TSHZ2: variants seen among roughly 807,000 people sequenced by gnomAD.
TSHZ2 encodes teashirt zinc finger homeobox 2.
A neutral mutation model predicts 74.4 loss-of-function variants in TSHZ2; 21 were observed. The observed-to-expected ratio is 0.28, with a 90% confidence interval of 0.20 to 0.41. TSHZ2 has a LOEUF of 0.41. TSHZ2 is among the 10% of genes least tolerant of loss of function. TSHZ2 has a pLI of 1.00. For missense variants in TSHZ2, 1,244 were observed against 1,293.5 expected, an observed-to-expected ratio of 0.96 and a Z score of 0.59; for synonymous variants, 540 against 515.3, an observed-to-expected ratio of 1.05 and a Z score of -0.65.
At chr20:53,331,133 G>A (rs147905777) in intron 2 of TSHZ2, among the ~76,000 whole-genome samples, 7 of 152,354 alleles carry the variant, frequency 4.6e-5, no homozygotes, top group East Asian at 1.9e-4. Context: ...CTGGGCTAAT[G>A]AGCCTCGGTT....
chr20:53,340,417 C>A (rs6097368), intron 2 of TSHZ2, among the ~76,000 whole-genome samples: 1 of 152,004 alleles, frequency 6.6e-6, no homozygotes, highest in Non-Finnish European at 1.5e-5. Flanking sequence ...AACTCCTGAC[C>A]TCGTGATCCG....
At chr20:53,403,140 G>A (rs186745189) in intron 2 of TSHZ2, among the ~76,000 whole-genome samples, 114 of 152,254 alleles carry the variant, frequency 7.5e-4, no homozygotes, top group Middle Eastern at 3.4e-3. Flanking sequence ...TCCTAGTTAT[G>A]AGAACATGTA....
chr20:53,250,772 G>C (rs1990307953), intron 1 of TSHZ2, among the ~76,000 whole-genome samples: 1 of 150,836 alleles, frequency 6.6e-6, no homozygotes, highest in African/African-American at 2.4e-5. Flanking sequence ...AATCCATTTA[G>C]AAGGACAAAG....
chr20:53,073,647 G>T (rs1384640299), intron 1 of TSHZ2, among the ~76,000 whole-genome samples: 1 of 152,068 alleles, frequency 6.6e-6, no homozygotes, highest in Non-Finnish European at 1.5e-5. Flanking sequence ...TTTTTAAAAG[G>T]AAGGGGATGA....
intron 2 of TSHZ2, among the ~76,000 whole-genome samples, chr20:53,450,551 C>T (rs1568923382): frequency 6.6e-6 from 1 of 152,214 alleles, no homozygotes; most frequent in Non-Finnish European, 1.5e-5. Context: ...GGGCCTTGCT[C>T]TGTCACCCAA....
At chr20:53,056,904 C>T (rs1984657698) in intron 1 of TSHZ2, among the ~76,000 whole-genome samples, 2 of 152,166 alleles carry the variant, frequency 1.3e-5, no homozygotes, top group Admixed American at 6.6e-5. Context: ...TTTGTTCTCT[C>T]AATGATATGG....
At chr20:53,135,442 G>C (rs1214869132) in intron 1 of TSHZ2, among the ~76,000 whole-genome samples, 1 of 152,140 alleles carries the variant, frequency 6.6e-6, no homozygotes. Context: ...TAAGGCCTTT[G>C]TGATCTGTAC....
chr20:53,415,300 T>C (rs1187426374), intron 2 of TSHZ2, among the ~76,000 whole-genome samples: 1 of 152,182 alleles, frequency 6.6e-6, no homozygotes, highest in Non-Finnish European at 1.5e-5. Context: ...TCTTAAGAAA[T>C]GCCAGTGGGA....
intron 2 of TSHZ2, among the ~76,000 whole-genome samples, chr20:53,283,383 T>C (rs944028619): frequency 2.6e-5 from 4 of 152,188 alleles, no homozygotes; most frequent in South Asian, 4.1e-4. Flanking sequence ...CATGCCATTT[T>C]ATCTTTCCTG....
intron 1 of TSHZ2, among the ~76,000 whole-genome samples, chr20:53,247,419 C>T (rs755864789): frequency 4.2e-4 from 64 of 152,302 alleles, no homozygotes; most frequent in Non-Finnish European, 8.5e-4. Flanking sequence ...CTCCACATGG[C>T]CCTCCAAGAG....
chr20:53,251,756 CTT>C (rs1396395939), intron 1 of TSHZ2, among the ~76,000 whole-genome samples: 1 of 152,190 alleles, frequency 6.6e-6, no homozygotes, highest in Non-Finnish European at 1.5e-5. Flanking sequence ...ATCATGGGCT[CTT>C]GTCTCCAGTT....
At chr20:53,118,700 G>A (rs1430302995) in intron 1 of TSHZ2, among the ~76,000 whole-genome samples, 1 of 152,136 alleles carries the variant, frequency 6.6e-6, no homozygotes, top group African/African-American at 2.4e-5. Context: ...TTTTCTGGAG[G>A]GGGGAAGCTG....
intron 1 of TSHZ2, among the ~76,000 whole-genome samples, chr20:53,001,213 T>C (rs992970185): frequency 2.9e-5 from 4 of 136,958 alleles, no homozygotes; most frequent in Admixed American, 7.1e-5. Context: ...TGCGTGTGTG[T>C]GTGTGTGTGT....
At chr20:53,468,413 A>G (rs1985625121) in intron 2 of TSHZ2, among the ~76,000 whole-genome samples, 1 of 152,190 alleles carries the variant, frequency 6.6e-6, no homozygotes, top group Non-Finnish European at 1.5e-5. Flanking sequence ...GCTGACACAC[A>G]GTTAAGGACA....
chr20:53,166,012 G>C (rs59618528), intron 1 of TSHZ2, among the ~76,000 whole-genome samples: 6 of 152,070 alleles, frequency 3.9e-5, no homozygotes, highest in Admixed American at 6.5e-5. Context: ...TAGTTGTCCC[G>C]TTCCCAAATC....
rs1986453004 is a variant in TSHZ2, at chr20:53,491,747, A to G, written c.*4612A>G. ...AGGACTGTTTTAAAATGCTAGTACC[A>G]GGTGGAACGCTATTTCTGCAACAGG... On this transcript the variant is annotated 3_prime_UTR_variant, in exon 3 of 3. Coordinates refer to ENST00000371497, the MANE Select transcript of TSHZ2 (RefSeq NM_173485.6). The G allele has an allele frequency of 6.6e-6, 1 of 152,228 alleles. No homozygotes were observed. The highest frequency in any genetic ancestry group is 2.1e-4 in the South Asian group (1 of 4,834). The allele number at this position is 152,228 out of a possible 1,614,324, so 9.4% of individuals were successfully genotyped here. A position where few individuals can be genotyped will look rare whatever the true frequency, so the allele number is the denominator to read the frequency against.
intron 1 of TSHZ2, among the ~76,000 whole-genome samples, chr20:53,089,976 C>A (rs941057620): frequency 5.9e-5 from 9 of 152,198 alleles, no homozygotes; most frequent in Non-Finnish European, 1.3e-4. Context: ...AGCTGAGGAG[C>A]AAAGAAATCA....
chr20:53,237,556 A>T (rs1393890301), intron 1 of TSHZ2, among the ~76,000 whole-genome samples: 1 of 152,016 alleles, frequency 6.6e-6, no homozygotes, highest in African/African-American at 2.4e-5. Context: ...TTTCTTCTAC[A>T]TACGAAAAAT....
chr20:53,087,836 T>C (rs1190201586), intron 1 of TSHZ2, among the ~76,000 whole-genome samples: 1 of 152,208 alleles, frequency 6.6e-6, no homozygotes, highest in African/African-American at 2.4e-5. Flanking sequence ...GTAAATTCTT[T>C]TGGCATTTGG....
Sources: gnomAD v4.1 joint callset for allele counts (sites outside exome capture counted in the v4.1 genomes callset) on GRCh38, gnomAD v4.1.1 for gene constraint, MANE v1.5 for transcripts, NCBI Gene and HGNC (gene_info 2026-07-23, HGNC 2026-07-21) for gene names.